The following MMS22L variants were observed in gnomAD, a reference collection of about 807,000 sequenced individuals.
MMS22L encodes MMS22 like, DNA repair protein.
Under a neutral mutation model 159.1 loss-of-function variants are expected in MMS22L, and 74 were observed. The ratio of observed to expected loss-of-function variants is 0.47; its 90% CI spans 0.39 to 0.56. The LOEUF is 0.56. MMS22L is among the 20% of genes least tolerant of loss of function. The pLI is 0.00. For synonymous variants in MMS22L, 517 were observed against 506.9 expected (o/e 1.02, Z -0.27); for missense variants, 1,351 against 1,422.1 (o/e 0.95, Z 0.80).
chr6:97,257,132 G>A (rs941295963), intron 9 of MMS22L, among the ~76,000 whole-genome samples: 5 of 152,160 alleles, frequency 3.3e-5, no homozygotes, highest in South Asian at 4.2e-4. Context: ...AAATTTTCAA[G>A]TCATTTTTTC....
rs1203955097 is a variant in MMS22L, at chr6:97,272,982, T to A, written c.421A>T (p.Ile141Phe). 6.2e-7 allele frequency: 1 copy of A among 1,612,738 alleles called. No homozygotes were observed. Among genetic ancestry groups the A allele is most frequent in the South Asian group, 1.1e-5 (1 of 90,690 alleles). ...ACTCATCTGATATCCTACCTGAAGA[T>A]GAAAACTTTAACATAATGGAGAAAT... ...VLFLHYVKVF[I>F]FRYLKVQNAE... The change falls in exon 5 of 25, where the codon ATC becomes TTC. Residue 141 changes from isoleucine to phenylalanine, a missense_variant. Transcript: ENST00000683635.
At chr6:97,164,892 T>C in intron 21 of MMS22L, among the ~76,000 whole-genome samples, 1 of 152,124 alleles carries the variant, frequency 6.6e-6, no homozygotes, top group Non-Finnish European at 1.5e-5. Context: ...GGGCTGGGAT[T>C]ATAGGTGTGA....
intron 22 of MMS22L, among the ~76,000 whole-genome samples, chr6:97,156,107 T>C (rs1259670274): frequency 6.6e-6 from 1 of 152,216 alleles, no homozygotes; most frequent in Non-Finnish European, 1.5e-5. Context: ...TTTCGTAAGT[T>C]TTTTGGCTGC....
At chr6:97,222,274 C>A (rs1809736810) in intron 14 of MMS22L, among the ~76,000 whole-genome samples, 1 of 151,804 alleles carries the variant, frequency 6.6e-6, no homozygotes, top group Non-Finnish European at 1.5e-5. Context: ...ATAAAACAAG[C>A]AGATGATCTT....
At chr6:97,179,371 T>C (rs774013553) in intron 17 of MMS22L, 37 bp downstream of exon 17, 4 of 1,573,524 alleles carry the variant, frequency 2.5e-6, no homozygotes, top group African/African-American at 2.7e-5. Flanking sequence ...TTTCCATAGA[T>C]ACCCCCATCC....
At chr6:97,268,905 A>C (rs1414218143) in intron 7 of MMS22L, among the ~76,000 whole-genome samples, 1 of 151,904 alleles carries the variant, frequency 6.6e-6, no homozygotes, top group Non-Finnish European at 1.5e-5. Flanking sequence ...AAGTATATAC[A>C]TATATAGACA....
intron 14 of MMS22L, among the ~76,000 whole-genome samples, chr6:97,218,698 A>G (rs193086481): frequency 6.6e-6 from 1 of 152,296 alleles, no homozygotes; most frequent in African/African-American, 2.4e-5. Flanking sequence ...TTCAACAGGA[A>G]TAGAGATTAT....
chr6:97,192,167 CGGATGGATGGAT>C lies in MMS22L; in HGVS notation c.2040-5489_2040-5478del, dbSNP rs111699319. Among the ~76,000 whole-genome samples the C allele has an allele frequency of 6.8e-3, 1,008 of 148,486 alleles. 2 individuals are homozygous for C. Among genetic ancestry groups the C allele is most frequent in the Non-Finnish European group, 9.8e-3 (658 of 67,212 alleles). ...GAGGAGGGGGTAAGTAGGTGGTAGACGGATGGATGGATGGATGGATGGATGGATGGATGGATG... is the reference window on the plus strand; with the variant it reads ...GAGGAGGGGGTAAGTAGGTGGTAGACGGATGGATGGATGGATGGATGGATG... On this transcript the variant is annotated intron_variant, in intron 14 of 24. Transcript: ENST00000683635.
intron 14 of MMS22L, among the ~76,000 whole-genome samples, chr6:97,210,783 A>C (rs1037808569): frequency 6.6e-6 from 1 of 152,006 alleles, no homozygotes; most frequent in Non-Finnish European, 1.5e-5. Context: ...ACACGTTCTC[A>C]CAAAACTTCT....
At position 97,162,048 on chromosome 6, in the gene MMS22L, G is replaced by T. The variant is rs1203212230; in HGVS notation, c.3339C>A (p.Leu1113=). The change falls in exon 22 of 25, where the codon CTC becomes CTA. Residue 1113 remains leucine, a synonymous_variant. Transcript: ENST00000683635. The part of the protein sequence containing the change: ...TNTDIYEVEL[L]LPGILKCLVL... ...CCAAGCATTTTAAAATGCCAGGGAG[G>T]AGTAGTTCAACTTCATAAATGTCTG... 5 of 1,612,060 alleles carry T rather than the reference G, an allele frequency of 3.1e-6. No individual in the cohort carries two copies. Among genetic ancestry groups the T allele is most frequent in the Non-Finnish European group, 4.2e-6 (5 of 1,179,016 alleles).
intron 11 of MMS22L, among the ~76,000 whole-genome samples, chr6:97,241,640 ATGGGATT>A: frequency 1.3e-5 from 2 of 151,966 alleles, no homozygotes; most frequent in East Asian, 3.9e-4. Flanking sequence ...CCACTTATGG[ATGGGATT>A]TGGGTTTGGT....
chr6:97,239,166 T>C (rs1016153301), intron 11 of MMS22L, among the ~76,000 whole-genome samples: 21 of 152,042 alleles, frequency 1.4e-4, no homozygotes, highest in African/African-American at 4.8e-4. Flanking sequence ...ACACTGATTT[T>C]TAGTTAGTTA....
At chr6:97,270,738 A>G (rs1200135575) in intron 6 of MMS22L, 2 of 152,434 alleles carry the variant, frequency 1.3e-5, no homozygotes, top group Non-Finnish European at 2.9e-5. Flanking sequence ...AATAGATAAC[A>G]AACAGCAAGA....
Position 97,235,385 on chromosome 6 carries a change from G to A in MMS22L, c.1183-1405C>T, listed in dbSNP as rs148906371. On this transcript the variant is annotated intron_variant, in intron 11 of 24. Coordinates refer to ENST00000683635, the MANE Select transcript of MMS22L (RefSeq NM_001350599.2). ...AGATAATCTGACCTATGGGTCTAGA[G>A]TTAAGGGATTAAAGTCAGAGTTGTT... is the stretch of plus-strand genomic sequence containing the variant. Among the ~76,000 whole-genome samples the A allele has an allele frequency of 7.9e-5, 12 of 152,326 alleles. 1 individual carries two copies. The East Asian group carries it at 1.3e-3, about 17-fold the overall frequency.
intron 3 of MMS22L, 111 bp from the exon 4 acceptor site, chr6:97,279,009 GGAT>G: frequency 2.6e-6 from 2 of 757,468 alleles, no homozygotes; most frequent in Non-Finnish European, 2.1e-6. Flanking sequence ...TTTAATTTGG[GGAT>G]GATGATTAAT....
chr6:97,161,753 T>A (rs2128242301), intron 22 of MMS22L, among the ~76,000 whole-genome samples: 1 of 152,138 alleles, frequency 6.6e-6, no homozygotes. Flanking sequence ...AAGTAACCCT[T>A]AAATAAACTA....
At position 97,144,124 on chromosome 6, in the gene MMS22L, AAAAAGAG is replaced by A. The variant is rs1362841968; in HGVS notation, c.*2675_*2681del. 4.1e-5 allele frequency: 6 copies of A among 145,916 alleles called. No individual in the cohort carries two copies. Among genetic ancestry groups the A allele is most frequent in the Middle Eastern group, 3.5e-3 (1 of 286 alleles). 9.0% of individuals were successfully genotyped at this position (145,916 alleles called of 1,614,324 possible). ...CAACAACAAAAAAAAAAAAAAAAAA[AAAAAGAG>A]AGAGAAAAGCTGGAGTTATCAGTTC... is the stretch of plus-strand genomic sequence containing the variant. On this transcript the variant is annotated 3_prime_UTR_variant, in exon 25 of 25. Transcript: ENST00000683635.
intron 14 of MMS22L, among the ~76,000 whole-genome samples, chr6:97,192,742 C>A (rs1440350920): frequency 6.6e-6 from 1 of 152,148 alleles, no homozygotes; most frequent in African/African-American, 2.4e-5. Context: ...TAAAGAGTAA[C>A]TATTAGGGTT....
At chr6:97,259,588 TGA>T (rs1814220542) in intron 9 of MMS22L, 1 of 152,120 alleles carries the variant, frequency 6.6e-6, no homozygotes, top group Admixed American at 6.6e-5. Flanking sequence ...ACCTTTGGAC[TGA>T]GACTGGAAAC....
Sources: gnomAD v4.1 joint callset for allele counts (sites outside exome capture counted in the v4.1 genomes callset) on GRCh38, gnomAD v4.1.1 for gene constraint, MANE v1.5 for transcripts, NCBI Gene and HGNC (gene_info 2026-07-23, HGNC 2026-07-21) for gene names.